The following CA10 variants were observed in gnomAD, a reference collection of about 807,000 sequenced individuals.
CA10 encodes the protein carbonic anhydrase-related protein 10.
Under a neutral mutation model 44.2 loss-of-function variants are expected in CA10, and 14 were observed. The observed-to-expected ratio is 0.32, with a 90% CI of 0.21 to 0.50. CA10 has a LOEUF of 0.50. Ranked by LOEUF, CA10 falls within the 20% of genes least tolerant of loss-of-function variation. The pLI, the probability that CA10 is intolerant of heterozygous loss-of-function variation, is 0.99. For synonymous variants in CA10, 159 were observed against 141.6 expected, an observed-to-expected ratio of 1.12 and a Z score of -0.87; for missense variants, 350 against 409.7, an observed-to-expected ratio of 0.85 and a Z score of 1.26.
At chr17:51,760,934 T>C (rs1905200239) in intron 3 of CA10, among the ~76,000 whole-genome samples, 1 of 152,262 alleles carries the variant, frequency 6.6e-6, no homozygotes, top group African/African-American at 2.4e-5. Context: ...TCATTTTTCA[T>C]AAATCTTGGA....
chr17:51,846,585 G>A (rs779614991), intron 3 of CA10, among the ~76,000 whole-genome samples: 1 of 152,224 alleles, frequency 6.6e-6, no homozygotes, highest in Non-Finnish European at 1.5e-5. Context: ...TGAGTTTAAA[G>A]CTGGGCAGTC....
Position 51,708,688 on chromosome 17 carries a change from G to T in CA10, c.465+38945C>A, listed in dbSNP as rs556620877. Among the ~76,000 whole-genome samples the T allele has an allele frequency of 3.0e-4, 46 of 152,310 alleles. No homozygotes were observed. In the South Asian group the frequency reaches 4.8e-3, roughly 16 times the overall value. On this transcript the variant is annotated intron_variant, in intron 4 of 8. Transcript: ENST00000451037. ...AGAAGGAGACCCACCCTCAATATGA[G>T]TGGGCTCCATCTAATCAGCTGCCAG... is the stretch of plus-strand genomic sequence containing the variant.
At chr17:51,761,296 C>A (rs561703414) in intron 3 of CA10, 1 of 152,224 alleles carries the variant, frequency 6.6e-6, no homozygotes, top group African/African-American at 2.4e-5. Flanking sequence ...TATGGGCCAA[C>A]CACCCTGGGA....
intron 3 of CA10, among the ~76,000 whole-genome samples, chr17:51,901,016 G>A (rs59994458): frequency 0.098 from 14,922 of 151,840 alleles, 910 homozygotes; most frequent in African/African-American, 0.18. Flanking sequence ...CTGTCATTTC[G>A]GCCATTTCAG....
chr17:51,927,152 C>T (rs897606255), intron 3 of CA10, among the ~76,000 whole-genome samples: 6 of 152,108 alleles, frequency 3.9e-5, no homozygotes, highest in African/African-American at 1.4e-4. Context: ...TTATACTTAA[C>T]ATATGATCCT....
intron 1 of CA10, among the ~76,000 whole-genome samples, chr17:52,113,855 C>A (rs895602998): frequency 6.6e-6 from 1 of 152,178 alleles, no homozygotes; most frequent in South Asian, 2.1e-4. Context: ...AGTCGCTGAA[C>A]CTTGTTTTCT....
chr17:52,123,371 G>GGTGT (rs34184028), intron 1 of CA10, among the ~76,000 whole-genome samples: 60,557 of 146,070 alleles, frequency 0.41, 13,806 homozygotes, highest in Non-Finnish European at 0.52. Context: ...ATATATATGG[G>GGTGT]GTGTGTGTGT....
chr17:51,850,362 C>T (rs1011791364), intron 3 of CA10, among the ~76,000 whole-genome samples: 4 of 152,182 alleles, frequency 2.6e-5, no homozygotes, highest in African/African-American at 9.6e-5. Flanking sequence ...ATCCACCGAA[C>T]TTACAAAGCA....
In CA10 at chr17:51,796,782, G is replaced by A. The variant is rs541952654; in HGVS notation, c.280-48964C>T. On this transcript the variant is annotated intron_variant, in intron 3 of 8. Coordinates refer to ENST00000451037, the MANE Select transcript of CA10 (RefSeq NM_020178.5). ...TGTAGTCTTGTCCATTGCTAAGCCC[G>A]CTTGCATCCATGCAAGGAGCCCTCT... Among the ~76,000 whole-genome samples, 6 of 152,118 alleles carry A rather than the reference G, an allele frequency of 3.9e-5. No homozygotes were observed. In the South Asian group the frequency reaches 6.2e-4, roughly 16 times the overall value.
intron 4 of CA10, among the ~76,000 whole-genome samples, chr17:51,682,179 C>G (rs975310458): frequency 6.6e-6 from 1 of 152,192 alleles, no homozygotes; most frequent in Non-Finnish European, 1.5e-5. Context: ...CTCTTGAAAA[C>G]TCTGGCCATG....
chr17:52,098,412 T>C (rs994762750), intron 1 of CA10, among the ~76,000 whole-genome samples: 1 of 152,194 alleles, frequency 6.6e-6, no homozygotes, highest in Non-Finnish European at 1.5e-5. Flanking sequence ...CTGAGGACCA[T>C]ATTTTGAGTA....
intron 4 of CA10, among the ~76,000 whole-genome samples, chr17:51,693,638 C>T (rs1216685561): frequency 6.6e-6 from 1 of 152,144 alleles, no homozygotes; most frequent in Non-Finnish European, 1.5e-5. Flanking sequence ...TAATGGCCTC[C>T]AGCTGCATCC....
intron 4 of CA10, among the ~76,000 whole-genome samples, chr17:51,729,897 G>A (rs1395105424): frequency 2.0e-5 from 3 of 152,188 alleles, no homozygotes; most frequent in African/African-American, 4.8e-5. Context: ...CTCCTAAATG[G>A]CCAATGAATC....
chr17:51,905,254 G>A (rs1211185397), intron 3 of CA10, among the ~76,000 whole-genome samples: 1 of 152,174 alleles, frequency 6.6e-6, no homozygotes, highest in Non-Finnish European at 1.5e-5. Flanking sequence ...TAGGCTTGGA[G>A]ATAGGAGTCT....
chr17:51,825,448 C>T (rs1166734757), intron 3 of CA10, among the ~76,000 whole-genome samples: 1 of 152,088 alleles, frequency 6.6e-6, no homozygotes, highest in East Asian at 1.9e-4. Context: ...GGGTGTGAAC[C>T]TTGTCTGTTT....
At chr17:51,739,637 A>C (rs565527006) in intron 4 of CA10, among the ~76,000 whole-genome samples, 31 of 152,260 alleles carry the variant, frequency 2.0e-4, no homozygotes, top group African/African-American at 7.2e-4. Flanking sequence ...ACTAGTGACT[A>C]TCCAATACTG....
intron 3 of CA10, among the ~76,000 whole-genome samples, chr17:51,918,212 C>A (rs1982081760): frequency 6.6e-6 from 1 of 152,150 alleles, no homozygotes; most frequent in East Asian, 1.9e-4. Context: ...TATTCATTTT[C>A]TCCATCATAG....
intron 3 of CA10, among the ~76,000 whole-genome samples, chr17:51,862,989 T>C (rs545194841): frequency 6.6e-6 from 1 of 152,240 alleles, no homozygotes; most frequent in African/African-American, 2.4e-5. Flanking sequence ...GGCACAAATA[T>C]TCACTCTATA....
intron 3 of CA10, among the ~76,000 whole-genome samples, chr17:51,878,869 TATATATATATATATATA>T (rs1567870808): frequency 0.03 from 814 of 26,776 alleles, 107 homozygotes; most frequent in African/African-American, 0.11. Flanking sequence ...TATATATATA[TATATATATATATATATA>T]TATATGGGTG....
Sources: gnomAD v4.1 joint callset for allele counts (sites outside exome capture counted in the v4.1 genomes callset) on GRCh38, gnomAD v4.1.1 for gene constraint, MANE v1.5 for transcripts, NCBI Gene and HGNC (gene_info 2026-07-23, HGNC 2026-07-21) for gene names.